The following ZNF469 variants were observed in gnomAD, a reference collection of about 807,000 sequenced individuals.
ZNF469 encodes zinc finger protein 469.
Under a neutral mutation model 1.0 loss-of-function variants are expected in ZNF469, and 1 was observed. The ratio of observed to expected loss-of-function variants is 1.00; its 90% CI spans 0.35 to 4.73. ZNF469 has a LOEUF of 4.73. ZNF469 is among the 30% of genes most tolerant of loss of function. The pLI, the probability that ZNF469 is intolerant of heterozygous loss-of-function variation, is 0.16. For synonymous variants in ZNF469, 2,703 were observed against 2,363.4 expected (o/e 1.14, Z -4.17); for missense variants, 6,100 against 5,356.3 (o/e 1.14, Z -4.33).
the ZNF469 span, among the ~76,000 whole-genome samples, chr16:88,301,910 C>T: frequency 1.3e-5 from 2 of 152,186 alleles, no homozygotes; most frequent in African/African-American, 2.4e-5. Flanking sequence ...GACTGTTACC[C>T]AATTCCTAGT....
chr16:88,205,764 A>C, the ZNF469 span, among the ~76,000 whole-genome samples: 1 of 152,164 alleles, frequency 6.6e-6, no homozygotes, highest in African/African-American at 2.4e-5. The surrounding 1 kb of genome is among the most constrained non-coding windows in gnomAD (Gnocchi z 4.2). Context: ...ATGGGGAGGA[A>C]GCTGGGTTTT....
At chr16:88,280,996 G>A in the ZNF469 span, among the ~76,000 whole-genome samples, 15 of 151,562 alleles carry the variant, frequency 9.9e-5, no homozygotes, top group South Asian at 4.2e-4. Context: ...GGTCAGTACC[G>A]TGTCAATTTT....
the ZNF469 span, among the ~76,000 whole-genome samples, chr16:88,377,050 A>G: frequency 6.6e-6 from 1 of 152,230 alleles, no homozygotes; most frequent in Non-Finnish European, 1.5e-5. Context: ...TCCCTTCAGC[A>G]TCTCCCAGGA....
chr16:88,237,214 C>CGG, the ZNF469 span, among the ~76,000 whole-genome samples: 6 of 15,730 alleles, frequency 3.8e-4, 1 homozygote, highest in African/African-American at 6.1e-4. Context: ...TCCTGCCAGT[C>CGG]ACCCTCCCTG....
chr16:88,172,292 G>C, the ZNF469 span, among the ~76,000 whole-genome samples: 1 of 152,230 alleles, frequency 6.6e-6, no homozygotes, highest in African/African-American at 2.4e-5. Context: ...GAAAGGAGCA[G>C]GCAGAACAAT....
the ZNF469 span, among the ~76,000 whole-genome samples, chr16:88,336,454 GAC>G: frequency 6.6e-6 from 1 of 150,990 alleles, no homozygotes. Context: ...CTTCACGTGA[GAC>G]ACTAACATGC....
At chr16:88,327,593 A>G in the ZNF469 span, among the ~76,000 whole-genome samples, 2 of 152,066 alleles carry the variant, frequency 1.3e-5, no homozygotes, top group Non-Finnish European at 2.9e-5. Flanking sequence ...CGTCACCGGC[A>G]GCAGGACAGG....
the ZNF469 span, among the ~76,000 whole-genome samples, chr16:88,205,281 T>C: frequency 6.6e-6 from 1 of 152,168 alleles, no homozygotes; most frequent in Admixed American, 6.5e-5. This position sits in a 1 kb window ranked among gnomAD's most constrained non-coding sequence, Gnocchi z 4.2. Context: ...AACCACCTGA[T>C]TATGTCCCGG....
At chr16:88,135,153 C>G in the ZNF469 span, among the ~76,000 whole-genome samples, 9 of 152,224 alleles carry the variant, frequency 5.9e-5, no homozygotes, top group Non-Finnish European at 1.0e-4. Context: ...TATTGGCCTG[C>G]GGACCCGAGC....
At chr16:88,303,155 G>A in the ZNF469 span, among the ~76,000 whole-genome samples, 2 of 152,210 alleles carry the variant, frequency 1.3e-5, no homozygotes, top group Non-Finnish European at 2.9e-5. Context: ...AAAGTGTGAA[G>A]TTGTGTCTGA....
At position 88,429,595 on chromosome 16, in the gene ZNF469, C is replaced by T. The variant is rs1276963072; in HGVS notation, c.2125C>T (p.Pro709Ser). The T allele has an allele frequency of 3.2e-6, 5 of 1,549,396 alleles. No homozygotes were observed. Among genetic ancestry groups the T allele is most frequent in the Admixed American group, 3.9e-5 (2 of 50,952 alleles). The change falls in exon 3 of 3, where the codon CCG becomes TCG. Residue 709 changes from proline (P) to serine (S), a missense_variant. By Grantham distance (74) the Pro-to-Ser change is moderately conservative. Transcript: ENST00000565624. ...AGGGCTGCAGGGCTTCCCCCGTGCG[C>T]CGCCTCCGTACCCCACACACCACTT... ...RGGLQGFPRA[P>S]PPYPTHHFSL...
At chr16:88,126,649 G>GT in the ZNF469 span, among the ~76,000 whole-genome samples, 3 of 140,314 alleles carry the variant, frequency 2.1e-5, no homozygotes, top group Non-Finnish European at 3.1e-5. Flanking sequence ...GCGATAATAT[G>GT]TTTTTTGTTT....
intron 1 of ZNF469, among the ~76,000 whole-genome samples, chr16:88,413,024 G>T (rs535438463): frequency 6.6e-6 from 1 of 151,914 alleles, no homozygotes; most frequent in South Asian, 2.1e-4. Flanking sequence ...AGAGACCCAG[G>T]GCGCACCACG....
the ZNF469 span, among the ~76,000 whole-genome samples, chr16:88,170,645 G>A: frequency 9.2e-5 from 14 of 152,088 alleles, no homozygotes; most frequent in Non-Finnish European, 1.3e-4. This position sits in a 1 kb window ranked among gnomAD's most constrained non-coding sequence, Gnocchi z 4.2. Context: ...AGCATGCTCC[G>A]TCATGTCTAT....
chr16:88,377,350 G>A, the ZNF469 span, among the ~76,000 whole-genome samples: 17 of 152,314 alleles, frequency 1.1e-4, no homozygotes, highest in East Asian at 3.9e-4. Flanking sequence ...GGTGGCTTCC[G>A]GCTACTCTCC....
chr16:88,316,182 A>C, the ZNF469 span, among the ~76,000 whole-genome samples: 1 of 152,212 alleles, frequency 6.6e-6, no homozygotes, highest in South Asian at 2.1e-4. Context: ...TCTCCGGGGC[A>C]GTTTTCATAC....
At chr16:88,176,655 T>C in the ZNF469 span, among the ~76,000 whole-genome samples, 16 of 152,034 alleles carry the variant, frequency 1.1e-4, no homozygotes. Context: ...GTGGGGAAGT[T>C]GTTATCATGA....
intron 1 of ZNF469, among the ~76,000 whole-genome samples, chr16:88,413,595 G>A (rs995360301): frequency 1.3e-5 from 2 of 152,262 alleles, no homozygotes; most frequent in African/African-American, 2.4e-5. Flanking sequence ...AGTGAGCCTC[G>A]GAGGGTGTCC....
the ZNF469 span, among the ~76,000 whole-genome samples, chr16:88,311,006 G>A: frequency 3.9e-5 from 6 of 152,144 alleles, no homozygotes; most frequent in African/African-American, 9.6e-5. Flanking sequence ...GACCACATCC[G>A]GATCCCACCC....
Sources: allele counts gnomAD v4.1 joint callset (sites outside exome capture counted in the v4.1 genomes callset), GRCh38; gene constraint gnomAD v4.1.1; non-coding constraint Gnocchi (gnomAD v3.1); transcripts MANE v1.5; gene names NCBI Gene and HGNC (gene_info 2026-07-23, HGNC 2026-07-21).